The following MIPOL1 variants were observed in gnomAD, a reference collection of about 807,000 sequenced individuals.
MIPOL1 encodes the protein mirror-image polydactyly gene 1 protein.
MIPOL1 carries 57 observed loss-of-function variants against 60.9 expected under a neutral mutation model. The observed-to-expected ratio is 0.94, with a 90% CI of 0.76 to 1.17. The LOEUF (loss-of-function observed/expected upper bound fraction) is 1.17. Ranked by LOEUF, MIPOL1 falls within the 50% of genes most tolerant of loss-of-function variation. MIPOL1 has a pLI of 0.00. For synonymous variants in MIPOL1, 179 were observed against 168.8 expected, an observed-to-expected ratio of 1.06 and a Z score of -0.47; for missense variants, 551 against 511.6, an observed-to-expected ratio of 1.08 and a Z score of -0.74.
intron 3 of MIPOL1, among the ~76,000 whole-genome samples, chr14:37,263,695 A>C (rs992871654): frequency 7.2e-5 from 11 of 152,206 alleles, no homozygotes; most frequent in African/African-American, 2.7e-4. Context: ...TTATTCTTTA[A>C]GTCCATATGG....
chr14:37,457,446 G>T (rs551000535), intron 11 of MIPOL1, among the ~76,000 whole-genome samples: 2 of 152,164 alleles, frequency 1.3e-5, no homozygotes, highest in South Asian at 4.1e-4. Flanking sequence ...TATTTTCTTG[G>T]TTTCACAAAA....
rs555183572 is a variant in MIPOL1 at position 37,495,393 on chromosome 14, T to C, written c.1032-4515T>C. On this transcript the variant is annotated intron_variant, in intron 11 of 12. Coordinates refer to ENST00000684589, the MANE Select transcript of MIPOL1 (RefSeq NM_001388067.1). ...AGACTATGCGGTGTTTGGTTTTTTGTTCTTGCGATAGTTTACTGAGAATGA... is the reference window on the plus strand; with the variant it reads ...AGACTATGCGGTGTTTGGTTTTTTGCTCTTGCGATAGTTTACTGAGAATGA... Among the ~76,000 whole-genome samples, 6 of 150,144 alleles carry C rather than the reference T, an allele frequency of 4.0e-5. No individual in the cohort carries two copies. In the South Asian group the frequency reaches 1.3e-3, roughly 32 times the overall value.
At position 37,398,071 on chromosome 14, in the gene MIPOL1, C is replaced by T. The variant is rs1047461562; in HGVS notation, c.937-24784C>T. ...TGGTGTTTTCTTCTGTGCCTTTGGC[C>T]GCCCTCTCGTTGGATCCCTGTGGTG... On this transcript the variant is annotated intron_variant, in intron 10 of 12. Transcript: ENST00000684589. 5.9e-5 allele frequency among the ~76,000 whole-genome samples: 9 copies of T among 152,158 alleles called. No homozygotes were observed. The South Asian group carries it at 6.2e-4, about 11-fold the overall frequency.
intron 11 of MIPOL1, among the ~76,000 whole-genome samples, chr14:37,489,051 T>C (rs1188352793): frequency 6.6e-6 from 1 of 152,218 alleles, no homozygotes; most frequent in Non-Finnish European, 1.5e-5. Flanking sequence ...TGAGTTCCAT[T>C]CTCCGCATCA....
At chr14:37,305,654 C>G (rs954293201) in intron 7 of MIPOL1, among the ~76,000 whole-genome samples, 11 of 151,700 alleles carry the variant, frequency 7.3e-5, no homozygotes, top group Non-Finnish European at 1.2e-4. Flanking sequence ...TAAAAAAATA[C>G]AAGTAGAGAA....
chr14:37,548,994 T>A lies in MIPOL1; in HGVS notation c.*2023T>A, dbSNP rs183107018. On this transcript the variant is annotated 3_prime_UTR_variant, in exon 13 of 13. Coordinates refer to ENST00000684589, the MANE Select transcript of MIPOL1 (RefSeq NM_001388067.1). ...ATATCACATCCTCTTGAAAATGAAT[T>A]GTCTACAAAATTTCAAATGCAAAGT... 2.0e-5 allele frequency: 3 copies of A among 152,112 alleles called. No individual in the cohort carries two copies. In the East Asian group the frequency reaches 5.8e-4, roughly 29 times the overall value. The allele number at this position is 152,112 out of a possible 1,614,324, so 9.4% of individuals were successfully genotyped here.
chr14:37,269,429 A>G (rs567308856), intron 5 of MIPOL1, among the ~76,000 whole-genome samples: 2 of 151,038 alleles, frequency 1.3e-5, no homozygotes, highest in Non-Finnish European at 3.0e-5. Flanking sequence ...TTAATATTCT[A>G]GTTGTGTAAC....
rs1973316989 is a variant in MIPOL1, at chr14:37,247,188, T to G, written c.-113T>G. 1 of 152,478 alleles carries G rather than the reference T, an allele frequency of 6.6e-6. No individual in the cohort carries two copies. Among genetic ancestry groups the G allele is most frequent in the Admixed American group, 6.6e-5 (1 of 15,244 alleles). 9.4% of individuals were successfully genotyped at this position (152,478 alleles called of 1,614,324 possible). ...AGAGAAAATTGGAAAAGGAGAAGCT[T>G]ACTACAGCTTTATTTGAGGACTTTT... is the stretch of plus-strand genomic sequence containing the variant. On this transcript the variant is annotated 5_prime_UTR_variant, in exon 2 of 13. An upstream open reading frame in the 5' UTR gains an earlier in-frame stop. Transcript: ENST00000684589.
chr14:37,305,645 A>T (rs2086721825), intron 7 of MIPOL1, among the ~76,000 whole-genome samples: 2 of 151,836 alleles, frequency 1.3e-5, no homozygotes, highest in South Asian at 2.1e-4. Flanking sequence ...TGAAACTTTT[A>T]AAAAAATACA....
chr14:37,344,884 C>T (rs1017018969), intron 9 of MIPOL1, among the ~76,000 whole-genome samples: 5 of 151,764 alleles, frequency 3.3e-5, no homozygotes, highest in Non-Finnish European at 5.9e-5. Flanking sequence ...TTTAAAAATA[C>T]CCGGGCATGG....
At chr14:37,474,120 A>G (rs936355427) in intron 11 of MIPOL1, among the ~76,000 whole-genome samples, 1 of 152,230 alleles carries the variant, frequency 6.6e-6, no homozygotes, top group Non-Finnish European at 1.5e-5. Flanking sequence ...TCATTAAAAA[A>G]TATTCCATTG....
chr14:37,483,143 C>T lies in MIPOL1; in HGVS notation c.1032-16765C>T, dbSNP rs1176768584. Among the ~76,000 whole-genome samples, 39 of 143,504 alleles carry T rather than the reference C, an allele frequency of 2.7e-4. No homozygotes were observed. In the Admixed American group the frequency reaches 2.8e-3, roughly 10 times the overall value. The allele number at this position is 143,504 out of a possible 152,430, so 94.1% of individuals were successfully genotyped here. A position where few individuals can be genotyped will look rare whatever the true frequency, so the allele number is the denominator to read the frequency against. On this transcript the variant is annotated intron_variant, in intron 11 of 12. Transcript: ENST00000684589. ...TTTTTTTTTTTTTAAGACCAAGTCTCGTTCTGTTGCCCAGGCTTCAGTGCA... is the reference window on the plus strand; with the variant it reads ...TTTTTTTTTTTTTAAGACCAAGTCTTGTTCTGTTGCCCAGGCTTCAGTGCA...
At chr14:37,264,552 C>T (rs371538734) in intron 3 of MIPOL1, among the ~76,000 whole-genome samples, 5 of 151,692 alleles carry the variant, frequency 3.3e-5, no homozygotes, top group South Asian at 2.1e-4. Context: ...TGCTTAAGCC[C>T]GGGAGGTCAA....
chr14:37,358,563 T>G (rs930962083), intron 9 of MIPOL1, among the ~76,000 whole-genome samples: 3 of 152,226 alleles, frequency 2.0e-5, no homozygotes, highest in African/African-American at 4.8e-5. Flanking sequence ...ATTGTGGTTT[T>G]GATTTGCATT....
intron 1 of MIPOL1, among the ~76,000 whole-genome samples, chr14:37,226,543 AC>A (rs1237519510): frequency 6.6e-6 from 1 of 152,116 alleles, no homozygotes; most frequent in African/African-American, 2.4e-5. Flanking sequence ...TATGGGGGAA[AC>A]CACCCCCACG....
intron 1 of MIPOL1, among the ~76,000 whole-genome samples, chr14:37,218,924 CAAAAAA>C (rs150658949): frequency 2.8e-5 from 3 of 106,714 alleles, no homozygotes; most frequent in African/African-American, 6.0e-5. Flanking sequence ...GACCCTATTT[CAAAAAA>C]AAAAAAAAAA....
At chr14:37,443,923 G>T (rs1170183264) in intron 11 of MIPOL1, among the ~76,000 whole-genome samples, 2 of 152,062 alleles carry the variant, frequency 1.3e-5, no homozygotes, top group African/African-American at 4.8e-5. Flanking sequence ...AGTGGATGCA[G>T]AAAAAGCATG....
intron 12 of MIPOL1, among the ~76,000 whole-genome samples, chr14:37,534,116 A>ATGAT (rs923899668): frequency 1.3e-5 from 2 of 151,608 alleles, no homozygotes; most frequent in African/African-American, 4.8e-5. Context: ...GAAGAAGAAG[A>ATGAT]TGATGATGAT....
rs1372003687 is a variant in MIPOL1, at chr14:37,422,860, G to A, written c.942G>A (p.Lys314=). Residue 314 remains lysine, a synonymous_variant, in exon 11 of 13, where the codon AAG becomes AAA. Coordinates refer to ENST00000684589, the MANE Select transcript of MIPOL1 (RefSeq NM_001388067.1). Reference sequence around the variant, plus strand: ...AAAATATTAATTACTTTTAGGCAAAGTTGTTATCTATGCAACAAGCCAGAG... The same window carrying A: ...AAAATATTAATTACTTTTAGGCAAAATTGTTATCTATGCAACAAGCCAGAG... The part of the protein sequence containing the change: ...ENNQERALKA[K]LLSMQQARET... The A allele has an allele frequency of 6.2e-7, 1 of 1,600,396 alleles. No homozygotes were observed. Among genetic ancestry groups the A allele is most frequent in the Non-Finnish European group, 8.5e-7 (1 of 1,171,678 alleles).
Sources: gnomAD v4.1 joint callset for allele counts (sites outside exome capture counted in the v4.1 genomes callset) on GRCh38, gnomAD v4.1.1 for gene constraint, MANE v1.5 for transcripts, NCBI Gene and HGNC (gene_info 2026-07-23, HGNC 2026-07-21) for gene names.